TBC1D32: variants seen among roughly 807,000 people sequenced by gnomAD.
TBC1D32 encodes protein broad-minded.
In TBC1D32, 151 loss-of-function variants were observed where a neutral mutation model predicts 170.3. That is an observed-to-expected ratio of 0.89 (90% CI 0.78 to 1.01). The LOEUF (loss-of-function observed/expected upper bound fraction) is 1.01, where lower values mean the gene tolerates loss of function less well. TBC1D32 is among the 50% of genes least tolerant of loss of function. TBC1D32 has a pLI of 0.00. For synonymous variants in TBC1D32, 498 were observed against 488.0 expected (o/e 1.02, Z -0.27); for missense variants, 1,464 against 1,457.1 (o/e 1.00, Z -0.08).
At chr6:121,161,585 T>C (rs751911087) in intron 22 of TBC1D32, among the ~76,000 whole-genome samples, 7 of 152,178 alleles carry the variant, frequency 4.6e-5, no homozygotes, top group African/African-American at 7.2e-5. Flanking sequence ...TTTTCTATCA[T>C]TGATGGGCAT....
At chr6:121,108,989 A>C (rs1175541949) in intron 29 of TBC1D32, among the ~76,000 whole-genome samples, 3 of 152,150 alleles carry the variant, frequency 2.0e-5, no homozygotes, top group Admixed American at 6.6e-5. Context: ...AGATAATATC[A>C]ATCTTTCTCC....
At position 121,133,379 on chromosome 6, in the gene TBC1D32, G is replaced by C. The variant is rs147601312; in HGVS notation, c.2774-1627C>G. Among the ~76,000 whole-genome samples the C allele has an allele frequency of 2.1e-3, 312 of 152,010 alleles. 1 individual carries two copies. Among genetic ancestry groups the C allele is most frequent in the African/African-American group, 7.3e-3 (301 of 41,512 alleles). ...ATTTACTATATACAGAAGTCCTCCT[G>C]TGTGGATATAATAATCAAGACAATA... On this transcript the variant is annotated intron_variant, in intron 24 of 31. Coordinates refer to ENST00000398212, the MANE Select transcript of TBC1D32 (RefSeq NM_152730.6).
intron 3 of TBC1D32, among the ~76,000 whole-genome samples, chr6:121,315,980 C>T (rs1583718881): frequency 2.0e-5 from 3 of 152,230 alleles, no homozygotes; most frequent in African/African-American, 7.2e-5. Flanking sequence ...GTCATATTTA[C>T]AGGGTAGACA....
chr6:121,254,286 A>C (rs1367458502), intron 17 of TBC1D32, among the ~76,000 whole-genome samples: 1 of 152,176 alleles, frequency 6.6e-6, no homozygotes, highest in Admixed American at 6.5e-5. Context: ...TATTGGGTAC[A>C]GTGTACACTG....
At chr6:121,204,988 T>A in intron 22 of TBC1D32, 87 bp downstream of exon 22, 3 of 721,014 alleles carry the variant, frequency 4.2e-6, no homozygotes, top group South Asian at 2.2e-5. Context: ...TAGCTAATTT[T>A]AAATACTTTT....
intron 22 of TBC1D32, among the ~76,000 whole-genome samples, chr6:121,199,614 A>T (rs1037239637): frequency 2.6e-5 from 4 of 151,292 alleles, no homozygotes; most frequent in African/African-American, 9.8e-5. Flanking sequence ...ACTTGAAAAA[A>T]TAAATTCTAG....
chr6:121,306,465 A>G (rs1013681144), intron 5 of TBC1D32, among the ~76,000 whole-genome samples: 7 of 152,164 alleles, frequency 4.6e-5, no homozygotes, highest in African/African-American at 1.7e-4. Flanking sequence ...AACGAGAATG[A>G]TACACACTGT....
chr6:121,152,100 T>C (rs748911593), intron 24 of TBC1D32, among the ~76,000 whole-genome samples: 2 of 152,228 alleles, frequency 1.3e-5, no homozygotes, highest in Non-Finnish European at 2.9e-5. Context: ...ACAGTGTTGA[T>C]GGTCTTCACA....
intron 9 of TBC1D32, 122 bp from the exon 10 acceptor site, chr6:121,299,627 G>C: frequency 1.1e-6 from 1 of 918,668 alleles, no homozygotes; most frequent in East Asian, 3.2e-5. Flanking sequence ...AACCCTTATA[G>C]TCAATGACAG....
At chr6:121,115,125 A>C (rs1429880364) in intron 27 of TBC1D32, 47 bp downstream of exon 27, 11 of 1,486,878 alleles carry the variant, frequency 7.4e-6, no homozygotes, top group Non-Finnish European at 1.0e-5. Context: ...GAGGCAGATA[A>C]AACAAATTCT....
At chr6:121,303,793 C>A in intron 8 of TBC1D32, 32 bp from the exon 9 acceptor site, 1 of 1,433,406 alleles carries the variant, frequency 7.0e-7, no homozygotes. Flanking sequence ...AATACAATTA[C>A]ACATATAGTT....
chr6:121,220,805 T>C (rs1390050307), intron 21 of TBC1D32, among the ~76,000 whole-genome samples: 1 of 151,838 alleles, frequency 6.6e-6, no homozygotes, highest in Admixed American at 6.6e-5. Flanking sequence ...CACGTCCAGC[T>C]AATTTTTGTA....
intron 24 of TBC1D32, among the ~76,000 whole-genome samples, chr6:121,143,319 C>T (rs1783032163): frequency 1.3e-5 from 2 of 152,192 alleles, no homozygotes; most frequent in African/African-American, 2.4e-5. Context: ...TGGCCACTTA[C>T]ATTTTAATAT....
intron 14 of TBC1D32, 58 bp from the exon 15 acceptor site, chr6:121,279,303 C>G (rs1177537036): frequency 1.3e-6 from 2 of 1,549,666 alleles, no homozygotes; most frequent in Non-Finnish European, 1.7e-6. Flanking sequence ...GCTAACATAT[C>G]ACAGACTAAA....
intron 17 of TBC1D32, among the ~76,000 whole-genome samples, chr6:121,244,209 A>C (rs564632870): frequency 1.3e-5 from 2 of 152,158 alleles, no homozygotes; most frequent in South Asian, 2.1e-4. Context: ...ATAAATATAC[A>C]AGTAAAAAAG....
Position 121,334,336 on chromosome 6 carries a change from G to C in TBC1D32, c.95C>G (p.Ser32Cys), listed in dbSNP as rs778438539. 2 of 1,614,196 alleles carry C rather than the reference G, an allele frequency of 1.2e-6. No individual in the cohort carries two copies. The highest frequency in any genetic ancestry group is 1.7e-5 in the Admixed American group (1 of 60,028). The part of the protein sequence containing the change: ...SVKEKITGAP[S>C]LECAEEILLH... ...AAGAATCTCTTCGGCACACTCCAGG[G>C]AAGGGGCACCCGTGATTTTCTCCTT... The change falls in exon 1 of 32, where the codon TCC becomes TGC. Residue 32 changes from serine (S) to cysteine (C), a missense_variant. Around this residue, in one of 3 missense-constraint regions of TBC1D32, gnomAD observed 1,363 missense variants for 1,338.1 expected, o/e 1.02. Transcript: ENST00000398212.
chr6:121,206,322 C>G (rs893472829), intron 21 of TBC1D32, among the ~76,000 whole-genome samples: 4 of 151,960 alleles, frequency 2.6e-5, no homozygotes, highest in African/African-American at 9.7e-5. Context: ...ATATATCTCT[C>G]TCATTGCTCA....
intron 22 of TBC1D32, among the ~76,000 whole-genome samples, chr6:121,188,303 T>C (rs767182586): frequency 2.0e-5 from 3 of 152,156 alleles, no homozygotes; most frequent in Admixed American, 2.0e-4. Context: ...TACTAGCATG[T>C]ACTTTGAAAA....
chr6:121,198,235 AAAT>A (rs1449871090), intron 22 of TBC1D32, among the ~76,000 whole-genome samples: 2 of 54,244 alleles, frequency 3.7e-5, no homozygotes, highest in African/African-American at 6.4e-5. Flanking sequence ...TAATATATAT[AAAT>A]ATATATATTA....
Sources: gnomAD v4.1 joint callset for allele counts (sites outside exome capture counted in the v4.1 genomes callset) on GRCh38, gnomAD v4.1.1 for gene constraint, gnomAD v4.1.1 regional missense constraint, MANE v1.5 for transcripts, NCBI Gene and HGNC (gene_info 2026-07-23, HGNC 2026-07-21) for gene names.